TRAF3IP1: variants seen among roughly 807,000 people sequenced by gnomAD.
TRAF3IP1 encodes TRAF3-interacting protein 1.
In TRAF3IP1, 53 loss-of-function variants were observed where a neutral mutation model predicts 89.9. That is an observed-to-expected ratio of 0.59 (90% CI 0.47 to 0.74). The LOEUF is 0.74. TRAF3IP1 is among the 30% of genes least tolerant of loss of function. The probability of loss-of-function intolerance (pLI) is 0.00; values close to 1 mark genes in which losing one functional copy is unlikely to be tolerated. For synonymous variants in TRAF3IP1, 311 were observed against 322.1 expected, an observed-to-expected ratio of 0.97 and a Z score of 0.37; for missense variants, 806 against 866.1, an observed-to-expected ratio of 0.93 and a Z score of 0.87.
intron 8 of TRAF3IP1, among the ~76,000 whole-genome samples, chr2:238,341,649 C>T (rs1413571532): frequency 6.6e-6 from 1 of 151,780 alleles, no homozygotes; most frequent in Non-Finnish European, 1.5e-5. Flanking sequence ...TATTTATGGG[C>T]CGTACGTCTG....
chr2:238,331,644 C>G (rs1324896561), intron 5 of TRAF3IP1, among the ~76,000 whole-genome samples: 1 of 152,112 alleles, frequency 6.6e-6, no homozygotes, highest in Admixed American at 6.6e-5. Context: ...GCGTGGATCT[C>G]GCATGGTGGT....
intron 15 of TRAF3IP1, among the ~76,000 whole-genome samples, chr2:238,386,721 A>T (rs954438970): frequency 6.6e-6 from 1 of 152,104 alleles, no homozygotes; most frequent in African/African-American, 2.4e-5. Context: ...CAATTTTCAG[A>T]CCATTTTAAG....
chr2:238,333,116 C>T (rs1266700116), intron 6 of TRAF3IP1, among the ~76,000 whole-genome samples: 1 of 152,052 alleles, frequency 6.6e-6, no homozygotes, highest in African/African-American at 2.4e-5. Flanking sequence ...CTGTGGGGCA[C>T]TCCTGGGTTT....
In TRAF3IP1 at chr2:238,398,907, T is replaced by A. The variant is rs762512625; in HGVS notation, c.2064T>A (p.Thr688=). The change falls in exon 17 of 17, where the codon ACT becomes ACA. Residue 688 remains threonine, a synonymous_variant. Transcript: ENST00000373327. ...AAATGGTATATAGTATCAATTTGACTTCGAGAAGGTGAACACTCAAAAGTT... is the reference window on the plus strand; with the variant it reads ...AAATGGTATATAGTATCAATTTGACATCGAGAAGGTGAACACTCAAAAGTT... ...IQKMVYSINL[T]SRR The A allele has an allele frequency of 1.2e-6, 2 of 1,601,714 alleles. No individual in the cohort carries two copies. Among genetic ancestry groups the A allele is most frequent in the Non-Finnish European group, 1.7e-6 (2 of 1,176,924 alleles).
In TRAF3IP1 at chr2:238,356,469, C is replaced by T. The variant is rs570205143; in HGVS notation, c.1689+389C>T. ...TTGAGATTGTGCCACGGCACTCCAGCCTGGGCAACGGAGTGAGACCCTGCC... is the reference window on the plus strand; with the variant it reads ...TTGAGATTGTGCCACGGCACTCCAGTCTGGGCAACGGAGTGAGACCCTGCC... On this transcript the variant is annotated intron_variant, in intron 15 of 16. Coordinates refer to ENST00000373327, the MANE Select transcript of TRAF3IP1 (RefSeq NM_015650.4). Among the ~76,000 whole-genome samples the T allele has an allele frequency of 3.3e-5, 5 of 152,230 alleles. No individual in the cohort carries two copies. The East Asian group carries it at 9.7e-4, about 29-fold the overall frequency.
chr2:238,328,197 C>T lies in TRAF3IP1; in HGVS notation c.355-489C>T, dbSNP rs547006361. Among the ~76,000 whole-genome samples the T allele has an allele frequency of 7.2e-5, 11 of 152,322 alleles. No individual in the cohort carries two copies. In the South Asian group the frequency reaches 2.3e-3, roughly 32 times the overall value. ...ATAATGGCTGCATCATTTTACATTT[C>T]CACCAACAGTGCATGAGAGCTTCAA... On this transcript the variant is annotated intron_variant, in intron 3 of 16. Coordinates refer to ENST00000373327, the MANE Select transcript of TRAF3IP1 (RefSeq NM_015650.4).
chr2:238,323,288 G>A (rs1296875767), intron 1 of TRAF3IP1, among the ~76,000 whole-genome samples: 2 of 151,992 alleles, frequency 1.3e-5, no homozygotes, highest in African/African-American at 4.8e-5. Flanking sequence ...CATGTTGTCC[G>A]GCCTGATCTC....
chr2:238,398,434 A>G (rs375638500), intron 16 of TRAF3IP1, among the ~76,000 whole-genome samples: 1 of 67,542 alleles, frequency 1.5e-5, no homozygotes, highest in African/African-American at 6.0e-5. Flanking sequence ...CGGCAGGAAC[A>G]TAGGTGGGGG....
intron 1 of TRAF3IP1, 109 bp downstream of exon 1, chr2:238,320,894 G>A: frequency 1.0e-6 from 1 of 1,002,824 alleles, no homozygotes; most frequent in Non-Finnish European, 1.3e-6. Context: ...TCGGGCTCAG[G>A]TGCGGGTCGG....
rs1317749554 is a variant in TRAF3IP1, at chr2:238,379,560, ACTT to A, written c.1690-17893_1690-17891del. Among the ~76,000 whole-genome samples, 3 of 152,124 alleles carry A rather than the reference ACTT, an allele frequency of 2.0e-5. No homozygotes were observed. Among genetic ancestry groups the A allele is most frequent in the African/African-American group, 4.8e-5 (2 of 41,438 alleles). On this transcript the variant is annotated intron_variant, in intron 15 of 16. Coordinates refer to ENST00000373327, the MANE Select transcript of TRAF3IP1 (RefSeq NM_015650.4). This position sits in a 1 kb window ranked among gnomAD's most constrained non-coding sequence, Gnocchi z 4.0. ...CTTTGCTCATCCAGTCCTTAGACTC[ACTT>A]CTTCTATTCATAATTAATTCTGTGA...
At chr2:238,381,588 G>A (rs1574965744) in intron 15 of TRAF3IP1, among the ~76,000 whole-genome samples, 2 of 152,242 alleles carry the variant, frequency 1.3e-5, no homozygotes, top group African/African-American at 4.8e-5. Flanking sequence ...GGCTCCTCCA[G>A]TCACTGAAGA....
intron 7 of TRAF3IP1, among the ~76,000 whole-genome samples, chr2:238,336,185 T>G (rs1397468229): frequency 7.2e-5 from 11 of 152,196 alleles, no homozygotes; most frequent in Admixed American, 7.2e-4. Context: ...TCTAATTGCT[T>G]CTGATATGTG....
Position 238,350,672 on chromosome 2 carries a change from A to G in TRAF3IP1, c.1451+1264A>G, listed in dbSNP as rs558112025. Among the ~76,000 whole-genome samples, 3 of 152,270 alleles carry G rather than the reference A, an allele frequency of 2.0e-5. No individual in the cohort carries two copies. The South Asian group carries it at 6.2e-4, about 32-fold the overall frequency. On this transcript the variant is annotated intron_variant, in intron 12 of 16. Transcript: ENST00000373327. Reference sequence around the variant, plus strand: ...TCCTACAATGCACAGGACAGTCTCCACCACAAAGGAGGATGGGCTGCCTGC... The same window carrying G: ...TCCTACAATGCACAGGACAGTCTCCGCCACAAAGGAGGATGGGCTGCCTGC...
chr2:238,367,034 C>G (rs995086882), intron 15 of TRAF3IP1, among the ~76,000 whole-genome samples: 1 of 151,416 alleles, frequency 6.6e-6, no homozygotes, highest in African/African-American at 2.4e-5. Context: ...CGTGGTGGCA[C>G]GTGCCTGTAA....
At position 238,344,979 on chromosome 2, in the gene TRAF3IP1, AT is replaced by A. The variant is rs527379849; in HGVS notation, c.1261+385del. On this transcript the variant is annotated intron_variant, in intron 9 of 16. Coordinates refer to ENST00000373327, the MANE Select transcript of TRAF3IP1 (RefSeq NM_015650.4). ...GGCCACCATGATTTTTCTGTCTGTC[AT>A]TTTCTTTGAGTGTTGAATTATACCT... is the stretch of plus-strand genomic sequence containing the variant. 9.2e-5 allele frequency among the ~76,000 whole-genome samples: 14 copies of A among 152,020 alleles called. No homozygotes were observed. In the South Asian group the frequency reaches 2.9e-3, roughly 32 times the overall value.
At chr2:238,354,976 T>C (rs1021361397) in intron 14 of TRAF3IP1, among the ~76,000 whole-genome samples, 2 of 151,976 alleles carry the variant, frequency 1.3e-5, no homozygotes, top group African/African-American at 4.8e-5. Context: ...TTGGTAGGTA[T>C]GTCTGCCTGT....
chr2:238,348,930 A>G (rs770587653), intron 11 of TRAF3IP1, 82 bp downstream of exon 11: 28 of 1,219,516 alleles, frequency 2.3e-5, no homozygotes, highest in South Asian at 2.6e-5. Flanking sequence ...GGCTGCTGCT[A>G]TTTATTTAGT....
At chr2:238,363,593 C>T (rs552321066) in intron 15 of TRAF3IP1, among the ~76,000 whole-genome samples, 2 of 152,252 alleles carry the variant, frequency 1.3e-5, no homozygotes, top group Admixed American at 1.3e-4. Flanking sequence ...ACTTGCAAAG[C>T]TGCTTACTTC....
At chr2:238,364,181 A>G (rs1699778567) in intron 15 of TRAF3IP1, among the ~76,000 whole-genome samples, 1 of 152,138 alleles carries the variant, frequency 6.6e-6, no homozygotes, top group African/African-American at 2.4e-5. Context: ...TTTCAATGCT[A>G]AAGAAATGCA....
Sources: gnomAD v4.1 joint callset for allele counts (sites outside exome capture counted in the v4.1 genomes callset) on GRCh38, gnomAD v4.1.1 for gene constraint, Gnocchi (gnomAD v3.1) non-coding constraint, MANE v1.5 for transcripts, NCBI Gene and HGNC (gene_info 2026-07-23, HGNC 2026-07-21) for gene names.